Variants in SLCO1B1 observed in about 807,000 individuals in gnomAD.
SLCO1B1 encodes solute carrier organic anion transporter family member 1B1.
SLCO1B1 carries 81 observed loss-of-function variants against 70.1 expected under a neutral mutation model. That is an observed-to-expected ratio of 1.16 (90% CI 0.97 to 1.39). The LOEUF (loss-of-function observed/expected upper bound fraction) is 1.39. SLCO1B1 is among the 40% of genes most tolerant of loss of function. The pLI is 0.00. For missense variants in SLCO1B1, 895 were observed against 799.6 expected, an observed-to-expected ratio of 1.12 and a Z score of -1.44; for synonymous variants, 283 against 271.5, an observed-to-expected ratio of 1.04 and a Z score of -0.42.
intron 3 of SLCO1B1, among the ~76,000 whole-genome samples, chr12:21,173,748 A>G (rs550318002): frequency 6.6e-6 from 1 of 150,524 alleles, no homozygotes; most frequent in Non-Finnish European, 1.5e-5. Flanking sequence ...CTGAGGCTCC[A>G]GATGGATTAG....
chr12:21,216,390 A>C (rs2121178428), intron 11 of SLCO1B1, among the ~76,000 whole-genome samples: 1 of 152,222 alleles, frequency 6.6e-6, no homozygotes, highest in East Asian at 1.9e-4. Context: ...ATTCAACGTG[A>C]GGTTCCCTTA....
intron 7 of SLCO1B1, among the ~76,000 whole-genome samples, chr12:21,194,280 G>A (rs1447386984): frequency 6.6e-6 from 1 of 152,112 alleles, no homozygotes; most frequent in Non-Finnish European, 1.5e-5. Context: ...GCCTCCCAAA[G>A]TGCTGGGATG....
intron 14 of SLCO1B1, among the ~76,000 whole-genome samples, chr12:21,232,689 C>CAG (rs1211789992): frequency 6.9e-6 from 1 of 145,832 alleles, no homozygotes; most frequent in Non-Finnish European, 1.5e-5. Context: ...ACCACACACA[C>CAG]ACAGAGAGAG....
chr12:21,213,403 T>C (rs1384562357), intron 11 of SLCO1B1, among the ~76,000 whole-genome samples: 2 of 151,888 alleles, frequency 1.3e-5, no homozygotes, highest in African/African-American at 2.4e-5. Flanking sequence ...CCCACTCTCT[T>C]CTGGCTTATA....
intron 11 of SLCO1B1, 33 bp from the exon 12 acceptor site, chr12:21,217,086 T>G: frequency 6.3e-7 from 1 of 1,589,522 alleles, no homozygotes; most frequent in Non-Finnish European, 8.6e-7. Context: ...TCTTGCAAAT[T>G]TCTTATGTCA....
intron 14 of SLCO1B1, among the ~76,000 whole-genome samples, chr12:21,232,290 G>T (rs1350256244): frequency 6.6e-6 from 1 of 152,176 alleles, no homozygotes; most frequent in Admixed American, 6.5e-5. Context: ...CCGATTTCAA[G>T]CTTGCAAAGG....
At position 21,192,299 on chromosome 12, in the gene SLCO1B1, T is replaced by A. The variant is rs577841552; in HGVS notation, c.728-4647T>A. Reference sequence around the variant, plus strand: ...ATTCAATATTTTTACTGGTTGTAAATCTCTTTATATTTTCTATATTTTCTG... The same window carrying A: ...ATTCAATATTTTTACTGGTTGTAAAACTCTTTATATTTTCTATATTTTCTG... On this transcript the variant is annotated intron_variant, in intron 7 of 14. Coordinates refer to ENST00000256958, the MANE Select transcript of SLCO1B1 (RefSeq NM_006446.5). Among the ~76,000 whole-genome samples, 10 of 152,066 alleles carry A rather than the reference T, an allele frequency of 6.6e-5. 1 individual carries two copies. The highest frequency in any genetic ancestry group is 2.4e-4 in the African/African-American group (10 of 41,562).
chr12:21,153,814 A>G (rs562383820), intron 2 of SLCO1B1, among the ~76,000 whole-genome samples: 1 of 151,980 alleles, frequency 6.6e-6, no homozygotes, highest in Non-Finnish European at 1.5e-5. Context: ...GGACTTCTCT[A>G]TCCTTAATGA....
intron 2 of SLCO1B1, among the ~76,000 whole-genome samples, chr12:21,161,833 C>A (rs1338113110): frequency 6.6e-6 from 1 of 151,938 alleles, no homozygotes; most frequent in East Asian, 1.9e-4. Context: ...CATGGTGAAA[C>A]CCTGTCTCTA....
intron 2 of SLCO1B1, among the ~76,000 whole-genome samples, chr12:21,159,668 G>A (rs1317500262): frequency 6.6e-6 from 1 of 152,044 alleles, no homozygotes; most frequent in African/African-American, 2.4e-5. Flanking sequence ...TAAAAACAAT[G>A]GTCTATGGTC....
intron 7 of SLCO1B1, among the ~76,000 whole-genome samples, chr12:21,195,769 T>A (rs1488837241): frequency 6.6e-6 from 1 of 152,234 alleles, no homozygotes; most frequent in South Asian, 2.1e-4. Flanking sequence ...TAGTTCAAGC[T>A]GCCTTCTTTA....
At chr12:21,215,888 A>G (rs1448890441) in intron 11 of SLCO1B1, among the ~76,000 whole-genome samples, 2 of 151,728 alleles carry the variant, frequency 1.3e-5, no homozygotes, top group African/African-American at 4.8e-5. Flanking sequence ...CAAATTTGGA[A>G]CTCTATATTA....
At chr12:21,199,447 T>C (rs2121144064) in intron 8 of SLCO1B1, among the ~76,000 whole-genome samples, 1 of 152,284 alleles carries the variant, frequency 6.6e-6, no homozygotes, top group South Asian at 2.1e-4. Context: ...TAGGTGGTTG[T>C]ATTATTACTA....
intron 14 of SLCO1B1, among the ~76,000 whole-genome samples, chr12:21,229,795 TTA>T (rs1260149707): frequency 6.6e-6 from 1 of 152,250 alleles, no homozygotes; most frequent in African/African-American, 2.4e-5. Flanking sequence ...ACTTAGACAA[TTA>T]TGTCATATTG....
At chr12:21,171,723 T>A (rs1008211041) in intron 2 of SLCO1B1, among the ~76,000 whole-genome samples, 5 of 152,124 alleles carry the variant, frequency 3.3e-5, no homozygotes, top group Non-Finnish European at 5.9e-5. Flanking sequence ...TCTCTCACAT[T>A]TCCGGAGGCT....
chr12:21,221,377 T>C (rs1941422681), intron 12 of SLCO1B1, among the ~76,000 whole-genome samples: 1 of 152,062 alleles, frequency 6.6e-6, no homozygotes, highest in South Asian at 2.1e-4. Context: ...AAATAAACTC[T>C]GTTCACTGAT....
chr12:21,217,943 A>G (rs1454904064), intron 12 of SLCO1B1, among the ~76,000 whole-genome samples: 2 of 152,188 alleles, frequency 1.3e-5, no homozygotes, highest in Non-Finnish European at 2.9e-5. Context: ...TAATCTTAAA[A>G]TCAAAGCACA....
chr12:21,170,528 A>G (rs751579053), intron 2 of SLCO1B1, among the ~76,000 whole-genome samples: 1 of 152,162 alleles, frequency 6.6e-6, no homozygotes, highest in Non-Finnish European at 1.5e-5. Context: ...TTTCATCACT[A>G]TTCTATGGCA....
At chr12:21,140,694 G>A (rs535211069) in intron 1 of SLCO1B1, among the ~76,000 whole-genome samples, 127 of 152,046 alleles carry the variant, frequency 8.4e-4, no homozygotes, top group Non-Finnish European at 1.6e-3. Flanking sequence ...TTAAGATTAA[G>A]TATATAGAGA....
Sources: allele counts gnomAD v4.1 joint callset (sites outside exome capture counted in the v4.1 genomes callset), GRCh38; gene constraint gnomAD v4.1.1; transcripts MANE v1.5; gene names NCBI Gene and HGNC (gene_info 2026-07-23, HGNC 2026-07-21).